The following TST variants were observed in gnomAD, a reference collection of about 807,000 sequenced individuals.
The protein encoded by TST is epididymis secretory sperm binding protein.
TST carries 22 observed loss-of-function variants against 20.4 expected under a neutral mutation model. That is an observed-to-expected ratio of 1.08 (90% CI 0.77 to 1.54). The LOEUF (loss-of-function observed/expected upper bound fraction) is 1.54. TST is among the 40% of genes most tolerant of loss of function. The pLI, the probability that TST is intolerant of heterozygous loss-of-function variation, is 0.00. For synonymous variants in TST, 187 were observed against 173.8 expected (o/e 1.08, Z -0.60); for missense variants, 392 against 405.2 (o/e 0.97, Z 0.28).
Position 37,018,340 on chromosome 22 carries a change from G to A in TST, c.393C>T (p.Phe131=). The part of the protein sequence containing the change: ...HRTVSVLNGG[F]RNWLKEGHPV... ...GGTGGCCCTCCTTCAGCCAGTTCCG[G>A]AAGCCACCATTGAGCACTGATACGG... Residue 131 remains phenylalanine, a synonymous_variant, in exon 2 of 3, where the codon TTC becomes TTT. Transcript: ENST00000249042. The A allele has an allele frequency of 2.5e-6, 4 of 1,613,984 alleles. No homozygotes were observed. Among genetic ancestry groups the A allele is most frequent in the Non-Finnish European group, 3.4e-6 (4 of 1,180,020 alleles).
Position 37,018,642 on chromosome 22 carries a change from C to T in TST, c.91G>A (p.Val31Met), listed in dbSNP as rs1290813787. The T allele has an allele frequency of 6.4e-7, 1 of 1,568,780 alleles. No homozygotes were observed. The highest frequency in any genetic ancestry group is 8.6e-7 in the Non-Finnish European group (1 of 1,156,716). ...RTGKLGPGLRVLDASWYSPGT... is the reference protein window; with the variant it reads ...RTGKLGPGLRMLDASWYSPGT... ...GGTGAGTACCAGGACGCGTCCAGCA[C>T]CCGCAGGCCGGGCCCCAGCTTGCCA... Residue 31 changes from valine (V) to methionine (M), a missense_variant, in exon 2 of 3, where the codon GTG becomes ATG. Physicochemically the swap from Val to Met is conservative, Grantham distance 21. Transcript: ENST00000249042.
At chr22:37,015,835 G>T (rs988921728) in intron 2 of TST, among the ~76,000 whole-genome samples, 6 of 151,268 alleles carry the variant, frequency 4.0e-5, no homozygotes, top group Admixed American at 1.3e-4. Context: ...TGGGAGGCCA[G>T]CAAAGCCTCT....
chr22:37,019,574 C>G (rs1267219801), upstream of TST: 2 of 165,706 alleles, frequency 1.2e-5, no homozygotes, highest in African/African-American at 4.8e-5. Flanking sequence ...GCGCCCGGCA[C>G]CTGCCAACCT....
upstream of TST, chr22:37,019,916 G>C (rs1377669503): frequency 1.2e-5 from 13 of 1,071,948 alleles, no homozygotes; most frequent in Non-Finnish European, 1.5e-5. Context: ...GAGGGGGAGG[G>C]AGTGGCTCTT....
chr22:37,014,324 C>T (rs555042861), intron 2 of TST, among the ~76,000 whole-genome samples: 24 of 152,266 alleles, frequency 1.6e-4, no homozygotes, highest in Non-Finnish European at 2.6e-4. Context: ...GAGCCAAGAT[C>T]GCACCACTGC....
At position 37,018,173 on chromosome 22, in the gene TST, C is replaced by T. The variant is rs375480621; in HGVS notation, c.560G>A (p.Arg187Gln). Residue 187 changes from arginine to glutamine, a missense_variant, in exon 2 of 3, where the codon CGG becomes CAG. Arg to Gln is a conservative substitution (Grantham distance 43). Transcript: ENST00000249042. ...FQLVDSRSQG[R>Q]FLGTEPEPDA... is the part of the protein sequence containing the mutation. ...CGGCTCCGGCTCGGTGCCCAGGAAC[C>T]GCCCTTGAGACCTTGAATCCACCAG... 6 of 1,580,074 alleles carry T rather than the reference C, an allele frequency of 3.8e-6. No homozygotes were observed. The highest frequency in any genetic ancestry group is 1.8e-5 in the Admixed American group (1 of 56,406).
upstream of TST, chr22:37,019,966 C>T: frequency 1.7e-6 from 1 of 591,154 alleles, no homozygotes; most frequent in Non-Finnish European, 2.5e-6. Flanking sequence ...GGGACCTGGG[C>T]GGAAGAGGGG....
intron 2 of TST, among the ~76,000 whole-genome samples, chr22:37,012,641 G>A (rs77661008): frequency 0.019 from 2,958 of 152,350 alleles, 38 homozygotes; most frequent in Non-Finnish European, 0.029. Flanking sequence ...GGTGGCAGGA[G>A]TGGGAGGGGA....
At chr22:37,019,815 G>T, upstream of TST, 1 of 1,172,422 alleles carries the variant, frequency 8.5e-7, no homozygotes, top group South Asian at 4.3e-5. Flanking sequence ...GCGCGGGGAG[G>T]GGGCGCCGCG....
At chr22:37,015,297 G>A (rs1419679311) in intron 2 of TST, among the ~76,000 whole-genome samples, 4 of 152,244 alleles carry the variant, frequency 2.6e-5, no homozygotes, top group African/African-American at 9.6e-5. Context: ...TCATTAGCGG[G>A]TCGATACCCT....
In TST at chr22:37,011,020, T is replaced by TC; in HGVS notation, c.*6dup. ...CCGCAGTTACAGTAAGCAGAAGAGG[T>TC]CACGGCTCAGGCCTTCTCAGACTTT... On this transcript the variant is annotated 3_prime_UTR_variant, in exon 3 of 3. Transcript: ENST00000249042. The TC allele has an allele frequency of 6.2e-7, 1 of 1,603,132 alleles. No homozygotes were observed. The highest frequency in any genetic ancestry group is 8.5e-7 in the Non-Finnish European group (1 of 1,174,062).
intron 2 of TST, among the ~76,000 whole-genome samples, chr22:37,017,628 A>ACGGACGG (rs58637593): frequency 6.6e-6 from 1 of 151,494 alleles, no homozygotes; most frequent in African/African-American, 2.4e-5. Context: ...AGGTTATGGA[A>ACGGACGG]CCTTTGCAAA....
intron 2 of TST, among the ~76,000 whole-genome samples, chr22:37,017,913 C>T (rs946411564): frequency 2.0e-5 from 3 of 152,172 alleles, no homozygotes; most frequent in African/African-American, 7.2e-5. Context: ...TAGGTGGCTT[C>T]TTAGCACATG....
chr22:37,011,742 G>A (rs542157950), intron 2 of TST, among the ~76,000 whole-genome samples: 2 of 152,352 alleles, frequency 1.3e-5, no homozygotes, highest in Non-Finnish European at 1.5e-5. Context: ...GCTATGTGCT[G>A]AGAACACAGC....
intron 2 of TST, among the ~76,000 whole-genome samples, chr22:37,011,969 C>T (rs1270803905): frequency 6.6e-6 from 1 of 152,190 alleles, no homozygotes; most frequent in Admixed American, 6.5e-5. Flanking sequence ...CTGTTAAGCA[C>T]ACAGTTGCAG....
chr22:37,013,839 G>A (rs1922570301), intron 2 of TST, among the ~76,000 whole-genome samples: 1 of 97,202 alleles, frequency 1.0e-5, no homozygotes, highest in Non-Finnish European at 2.0e-5. Context: ...ACAACGGGTT[G>A]AATCCTGTTT....
At chr22:37,014,150 C>T (rs1486007846) in intron 2 of TST, among the ~76,000 whole-genome samples, 3 of 152,108 alleles carry the variant, frequency 2.0e-5, no homozygotes, top group Non-Finnish European at 4.4e-5. Flanking sequence ...ATCACGAGGT[C>T]AGGAGATCGA....
upstream of TST, chr22:37,019,942 C>A: frequency 1.4e-6 from 1 of 731,200 alleles, no homozygotes; most frequent in Non-Finnish European, 1.9e-6. Context: ...GTGCTCGGCG[C>A]GGGGCTCCCG....
chr22:37,011,414 G>T, intron 2 of TST, 89 bp from the exon 3 acceptor site: 1 of 1,362,512 alleles, frequency 7.3e-7, no homozygotes, highest in Non-Finnish European at 1.0e-6. Flanking sequence ...TAGCTGGAAG[G>T]ATAGATAGCT....
Sources: gnomAD v4.1 joint callset for allele counts (sites outside exome capture counted in the v4.1 genomes callset) on GRCh38, gnomAD v4.1.1 for gene constraint, MANE v1.5 for transcripts, NCBI Gene and HGNC (gene_info 2026-07-23, HGNC 2026-07-21) for gene names.